TMEM8B: variants seen among roughly 807,000 people sequenced by gnomAD.
TMEM8B encodes the protein nasopharyngeal carcinoma expressed 6.
Under a neutral mutation model 49.3 loss-of-function variants are expected in TMEM8B, and 29 were observed. The ratio of observed to expected loss-of-function variants is 0.59; its 90% confidence interval spans 0.44 to 0.80. The LOEUF (loss-of-function observed/expected upper bound fraction) is 0.80. Ranked by LOEUF, TMEM8B falls within the 30% of genes least tolerant of loss-of-function variation. The probability of loss-of-function intolerance (pLI) is 0.00; values close to 1 mark genes in which losing one functional copy is unlikely to be tolerated. For synonymous variants in TMEM8B, 264 were observed against 272.8 expected (o/e 0.97, Z 0.32); for missense variants, 575 against 658.5 (o/e 0.87, Z 1.39).
At position 35,860,139 on chromosome 9, in the gene TMEM8B, A is replaced by G. The variant is rs1832625111; in HGVS notation, c.*6299A>G. 1 of 152,218 alleles carries G rather than the reference A, an allele frequency of 6.6e-6. No individual in the cohort carries two copies. Among genetic ancestry groups the G allele is most frequent in the African/African-American group, 2.4e-5 (1 of 41,434 alleles). 9.4% of individuals were successfully genotyped at this position (152,218 alleles called of 1,614,324 possible). The stretch of plus-strand genomic sequence containing the variant: ...GTATAATGAGGGAGTTGGACTTCAG[A>G]TCTGCAATCTGGCCTTCTCAGCGCT... On this transcript the variant is annotated 3_prime_UTR_variant, in exon 13 of 13. Transcript: ENST00000643932.
Position 35,842,301 on chromosome 9 carries a change from T to C in TMEM8B, c.1310-91T>C. Reference sequence around the variant, plus strand: ...CTAGTTCTCATCCTTCCCCACTCTTTGCGAAATCCTGTCTAGCTCAGATGT... The same window carrying C: ...CTAGTTCTCATCCTTCCCCACTCTTCGCGAAATCCTGTCTAGCTCAGATGT... On this transcript the variant is annotated intron_variant, in intron 5 of 12. Coordinates refer to ENST00000643932, the MANE Select transcript of TMEM8B (RefSeq NM_001042590.4). This position sits in a 1 kb window ranked among gnomAD's most constrained non-coding sequence, Gnocchi z 5.6. 3 of 1,011,196 alleles carry C rather than the reference T, an allele frequency of 3.0e-6. No individual in the cohort carries two copies. The highest frequency in any genetic ancestry group is 2.2e-4 in the Middle Eastern group (1 of 4,638). The allele number at this position is 1,011,196 out of a possible 1,614,324, so 62.6% of individuals were successfully genotyped here. A position where few individuals can be genotyped will look rare whatever the true frequency, so the allele number is the denominator to read the frequency against.
At position 35,842,291 on chromosome 9, in the gene TMEM8B, C is replaced by G; in HGVS notation, c.1310-101C>G. On this transcript the variant is annotated intron_variant, in intron 5 of 12. Coordinates refer to ENST00000643932, the MANE Select transcript of TMEM8B (RefSeq NM_001042590.4). The surrounding 1 kb of genome is among the most constrained non-coding windows in gnomAD (Gnocchi z 5.6). ...ACATCGCATTCTAGTTCTCATCCTT[C>G]CCCACTCTTTGCGAAATCCTGTCTA... 1.1e-6 allele frequency: 1 copy of G among 891,668 alleles called. No homozygotes were observed. Among genetic ancestry groups the G allele is most frequent in the Non-Finnish European group, 1.6e-6 (1 of 611,758 alleles). The allele number at this position is 891,668 out of a possible 1,614,324, so 55.2% of individuals were successfully genotyped here.
chr9:35,851,108 C>T (rs894263434), intron 10 of TMEM8B, among the ~76,000 whole-genome samples: 5 of 152,014 alleles, frequency 3.3e-5, no homozygotes, highest in Admixed American at 1.3e-4. Context: ...ATTACTTAAC[C>T]ATTTTTATTT....
Position 35,853,924 on chromosome 9 carries a change from C to G in TMEM8B, c.*84C>G, listed in dbSNP as rs1448757601. 4 of 1,448,040 alleles carry G rather than the reference C, an allele frequency of 2.8e-6. No individual in the cohort carries two copies. In the African/African-American group the frequency reaches 5.7e-5, roughly 21 times the overall value. The allele number at this position is 1,448,040 out of a possible 1,614,324, so 89.7% of individuals were successfully genotyped here. ...GGTGTGGAGCCCTCTTAGAAGGAGACAGGCTGTATTTCTTGAGGACATGGA... is the reference window on the plus strand; with the variant it reads ...GGTGTGGAGCCCTCTTAGAAGGAGAGAGGCTGTATTTCTTGAGGACATGGA... On this transcript the variant is annotated 3_prime_UTR_variant, in exon 13 of 13. Coordinates refer to ENST00000643932, the MANE Select transcript of TMEM8B (RefSeq NM_001042590.4). The surrounding 1 kb of genome is among the most constrained non-coding windows in gnomAD (Gnocchi z 4.2).
intron 1 of TMEM8B, among the ~76,000 whole-genome samples, chr9:35,833,531 C>T (rs1830127568): frequency 6.6e-6 from 1 of 152,208 alleles, no homozygotes; most frequent in Non-Finnish European, 1.5e-5. Flanking sequence ...CTCACCTTGG[C>T]TCTGCTCCTG....
intron 10 of TMEM8B, 148 bp downstream of exon 10, chr9:35,847,143 C>A: frequency 1.9e-6 from 3 of 1,613,630 alleles, no homozygotes; most frequent in Non-Finnish European, 2.5e-6. Flanking sequence ...GCTTCCCAAA[C>A]TGTCATGCAT....
intron 10 of TMEM8B, among the ~76,000 whole-genome samples, chr9:35,850,163 C>T (rs1177425055): frequency 6.6e-6 from 1 of 152,192 alleles, no homozygotes. Context: ...GGATTAACTA[C>T]GTTTGCGTTT....
At chr9:35,851,844 A>G (rs541603260) in intron 10 of TMEM8B, among the ~76,000 whole-genome samples, 1 of 152,356 alleles carries the variant, frequency 6.6e-6, no homozygotes, top group Non-Finnish European at 1.5e-5. Context: ...TTTGCAGTTT[A>G]AATGATTGGA....
At position 35,860,148 on chromosome 9, in the gene TMEM8B, C is replaced by T. The variant is rs1357740158; in HGVS notation, c.*6308C>T. On this transcript the variant is annotated 3_prime_UTR_variant, in exon 13 of 13. Coordinates refer to ENST00000643932, the MANE Select transcript of TMEM8B (RefSeq NM_001042590.4). ...GGGAGTTGGACTTCAGATCTGCAAT[C>T]TGGCCTTCTCAGCGCTGCAGTTCTG... 6.6e-6 allele frequency: 1 copy of T among 152,278 alleles called. No homozygotes were observed. The highest frequency in any genetic ancestry group is 1.5e-5 in the Non-Finnish European group (1 of 68,070). The allele number at this position is 152,278 out of a possible 1,614,324, so 9.4% of individuals were successfully genotyped here.
At position 35,847,066 on chromosome 9, in the gene TMEM8B, C is replaced by A. The variant is rs1447324971; in HGVS notation, c.2175+71C>A. The A allele has an allele frequency of 2.5e-6, 4 of 1,614,250 alleles. No individual in the cohort carries two copies. In the Admixed American group the frequency reaches 5.0e-5, roughly 20 times the overall value. On this transcript the variant is annotated intron_variant, in intron 10 of 12. Coordinates refer to ENST00000643932, the MANE Select transcript of TMEM8B (RefSeq NM_001042590.4). ...TGGTGGGTCACAGTCTGTATTTCCA[C>A]CACGTTCTCCGAGGGTTTGGGAATG...
chr9:35,852,891 A>G lies in TMEM8B; in HGVS notation c.2240A>G (p.Gln747Arg). 6.2e-7 allele frequency: 1 copy of G among 1,614,156 alleles called. No homozygotes were observed. Residue 747 changes from glutamine to arginine, a missense_variant, in exon 11 of 13, where the codon CAG becomes CGG. Gln to Arg is a conservative substitution (Grantham distance 43). Transcript: ENST00000643932. ...TGCATCATGGACTACGATGTGCTGCAGTTCTGTGATTTCCTGGGCTCCTTA... is the reference window on the plus strand; with the variant it reads ...TGCATCATGGACTACGATGTGCTGCGGTTCTGTGATTTCCTGGGCTCCTTA... ...VFCIMDYDVL[Q>R]FCDFLGSLMS...
At chr9:35,846,176 C>T in intron 7 of TMEM8B, 82 bp from the exon 8 acceptor site, 1 of 1,606,852 alleles carries the variant, frequency 6.2e-7, no homozygotes, top group Non-Finnish European at 8.5e-7. Context: ...GGCTAGGGTT[C>T]CGGGAAGTGG....
At chr9:35,840,485 G>T (rs190986271) in intron 3 of TMEM8B, among the ~76,000 whole-genome samples, 2 of 152,244 alleles carry the variant, frequency 1.3e-5, no homozygotes, top group African/African-American at 4.8e-5. Context: ...AATAGGACAG[G>T]GTTCCTGTTC....
rs138318665 is a variant in TMEM8B at position 35,851,398 on chromosome 9, T to C, written c.2176-1429T>C. Among the ~76,000 whole-genome samples, 720 of 152,242 alleles carry C rather than the reference T, an allele frequency of 4.7e-3. 8 individuals are homozygous for C. The highest frequency in any genetic ancestry group is 0.016 in the African/African-American group (680 of 41,534). ...GGGCTCAAGTGATCTGCCCACCTCATCCTCCCAAAGTGCTGGGATTAACAG... is the reference window on the plus strand; with the variant it reads ...GGGCTCAAGTGATCTGCCCACCTCACCCTCCCAAAGTGCTGGGATTAACAG... On this transcript the variant is annotated intron_variant, in intron 10 of 12. Coordinates refer to ENST00000643932, the MANE Select transcript of TMEM8B (RefSeq NM_001042590.4).
rs374952376 is a variant in TMEM8B at position 35,853,746 on chromosome 9, G to C, written c.2681G>C (p.Arg894Pro). 2 of 1,612,404 alleles carry C rather than the reference G, an allele frequency of 1.2e-6. No homozygotes were observed. The highest frequency in any genetic ancestry group is 1.7e-6 in the Non-Finnish European group (2 of 1,179,032). The change falls in exon 13 of 13, where the codon CGG becomes CCG. Residue 894 changes from arginine (R) to proline (P), a missense_variant. By Grantham distance (103) the Arg-to-Pro change is moderately radical. Transcript: ENST00000643932. This position sits in a 1 kb window ranked among gnomAD's most constrained non-coding sequence, Gnocchi z 4.2. Reference protein sequence around the residue: ...DHGVPSGARARGCGYQLCINE... With the variant: ...DHGVPSGARAPGCGYQLCINE... ...GGGGTCCCATCTGGAGCCCGGGCCC[G>C]GGGCTGTGGTTACCAGCTATGCATC...
rs1358262758 is a variant in TMEM8B, at chr9:35,858,122, T to G, written c.*4282T>G. Reference sequence around the variant, plus strand: ...TTTCTTTCTTTCTTTTTTTTTTTTTTGAGACGGAGTCTCACTCTGTTGCCC... The same window carrying G: ...TTTCTTTCTTTCTTTTTTTTTTTTTGGAGACGGAGTCTCACTCTGTTGCCC... On this transcript the variant is annotated 3_prime_UTR_variant, in exon 13 of 13. Coordinates refer to ENST00000643932, the MANE Select transcript of TMEM8B (RefSeq NM_001042590.4). The G allele has an allele frequency of 1.3e-5, 2 of 151,654 alleles. No homozygotes were observed. The highest frequency in any genetic ancestry group is 1.5e-5 in the Non-Finnish European group (1 of 68,354). 9.4% of individuals were successfully genotyped at this position (151,654 alleles called of 1,614,324 possible). A position where few individuals can be genotyped will look rare whatever the true frequency, so the allele number is the denominator to read the frequency against.
At chr9:35,851,248 G>A (rs141135394) in intron 10 of TMEM8B, among the ~76,000 whole-genome samples, 61 of 54,516 alleles carry the variant, frequency 1.1e-3, no homozygotes, top group African/African-American at 3.7e-3. Context: ...CCCCACCCCC[G>A]CCAATTCCCT....
In TMEM8B at chr9:35,865,250, C is replaced by G. The variant is rs1421640155; in HGVS notation, c.*11410C>G. Reference sequence around the variant, plus strand: ...GTGTCTGGGTTGTGAAATGGGGTGTCTCCTTCCAGGATTGCCGTAAGGACC... The same window carrying G: ...GTGTCTGGGTTGTGAAATGGGGTGTGTCCTTCCAGGATTGCCGTAAGGACC... On this transcript the variant is annotated 3_prime_UTR_variant, in exon 13 of 13. Transcript: ENST00000643932. The G allele has an allele frequency of 6.6e-6, 1 of 152,206 alleles. No individual in the cohort carries two copies. The highest frequency in any genetic ancestry group is 1.5e-5 in the Non-Finnish European group (1 of 68,050). The allele number at this position is 152,206 out of a possible 1,614,324, so 9.4% of individuals were successfully genotyped here.
chr9:35,847,219 G>T, intron 10 of TMEM8B: 1 of 1,432,600 alleles, frequency 7.0e-7, no homozygotes, highest in Non-Finnish European at 9.8e-7. Flanking sequence ...ACTTAATAAA[G>T]TAAGTTTGGG....
Sources: gnomAD v4.1 joint callset for allele counts (sites outside exome capture counted in the v4.1 genomes callset) on GRCh38, gnomAD v4.1.1 for gene constraint, Gnocchi (gnomAD v3.1) non-coding constraint, MANE v1.5 for transcripts, NCBI Gene and HGNC (gene_info 2026-07-23, HGNC 2026-07-21) for gene names.